ISM1: variants seen among roughly 807,000 people sequenced by gnomAD.
ISM1 encodes isthmin-1.
Under a neutral mutation model 46.3 loss-of-function variants are expected in ISM1, and 25 were observed. That is an observed-to-expected ratio of 0.54 (90% CI 0.39 to 0.75). The LOEUF is 0.75. ISM1 is among the 30% of genes least tolerant of loss of function. The probability of loss-of-function intolerance (pLI) is 0.00; values close to 1 mark genes in which losing one functional copy is unlikely to be tolerated. For missense variants in ISM1, 536 were observed against 625.4 expected, an observed-to-expected ratio of 0.86 and a Z score of 1.52; for synonymous variants, 255 against 256.7, an observed-to-expected ratio of 0.99 and a Z score of 0.06.
chr20:13,239,537 C>T (rs755026235), intron 1 of ISM1: 21 of 152,222 alleles, frequency 1.4e-4, no homozygotes, highest in Admixed American at 2.6e-4. Context: ...TGACAATCTA[C>T]ATGAAGTACC....
intron 1 of ISM1, among the ~76,000 whole-genome samples, chr20:13,226,590 T>G (rs1332098471): frequency 6.6e-6 from 1 of 152,224 alleles, no homozygotes; most frequent in Non-Finnish European, 1.5e-5. Flanking sequence ...ATATTACTCA[T>G]GTAGCTGTGG....
rs1466916495 is a variant in ISM1 at position 13,299,868 on chromosome 20, CTTAA to C, written c.*414_*417del. On this transcript the variant is annotated 3_prime_UTR_variant, in exon 6 of 6. Coordinates refer to ENST00000262487, the MANE Select transcript of ISM1 (RefSeq NM_080826.2). This position sits in a 1 kb window ranked among gnomAD's most constrained non-coding sequence, Gnocchi z 5.8. ...TATAACTTATTTAATACAAATGTGA[CTTAA>C]TTAAGCGTAACCTTTTCTCTGGAGT... The C allele has an allele frequency of 6.2e-6, 1 of 161,184 alleles. No individual in the cohort carries two copies. Among genetic ancestry groups the C allele is most frequent in the Non-Finnish European group, 1.4e-5 (1 of 73,490 alleles). The allele number at this position is 161,184 out of a possible 1,614,324, so 10.0% of individuals were successfully genotyped here.
At chr20:13,279,513 C>A in intron 2 of ISM1, 121 bp from the exon 3 acceptor site, 1 of 979,486 alleles carries the variant, frequency 1.0e-6, no homozygotes, top group Non-Finnish European at 1.5e-6. Flanking sequence ...GCAATCTCAG[C>A]TTTCCTTCAC....
intron 1 of ISM1, among the ~76,000 whole-genome samples, chr20:13,251,195 T>C (rs2039864480): frequency 6.6e-6 from 1 of 152,202 alleles, no homozygotes; most frequent in Non-Finnish European, 1.5e-5. Context: ...GGTGAGCACT[T>C]GTCCTCTCCT....
chr20:13,318,399 C>G, the ISM1 span, among the ~76,000 whole-genome samples: 10 of 152,244 alleles, frequency 6.6e-5, no homozygotes, highest in African/African-American at 2.4e-4. Flanking sequence ...ATGGCGTGAC[C>G]ACTTTGGAAG....
chr20:13,261,688 T>C (rs2039991601), intron 1 of ISM1, among the ~76,000 whole-genome samples: 1 of 152,206 alleles, frequency 6.6e-6, no homozygotes, highest in Admixed American at 6.5e-5. Flanking sequence ...CCAATGACCT[T>C]TGAAACCCAT....
the ISM1 span, among the ~76,000 whole-genome samples, chr20:13,318,480 T>C: frequency 6.6e-6 from 1 of 152,172 alleles, no homozygotes; most frequent in East Asian, 1.9e-4. Context: ...CTGCTTGGTA[T>C]TTACCCAAAA....
At chr20:13,298,769 G>C (rs1234237044) in intron 5 of ISM1, among the ~76,000 whole-genome samples, 173 bp from the exon 6 acceptor site, 1 of 152,130 alleles carries the variant, frequency 6.6e-6, no homozygotes, top group East Asian at 1.9e-4. Context: ...ATGGTGCCAG[G>C]GGGCTGCAGG....
rs1243743215 is a variant in ISM1, at chr20:13,251,585, G to A, written c.139-18919G>A. 2.0e-5 allele frequency among the ~76,000 whole-genome samples: 3 copies of A among 152,212 alleles called. No homozygotes were observed. In the East Asian group the frequency reaches 5.8e-4, roughly 29 times the overall value. On this transcript the variant is annotated intron_variant, in intron 1 of 5. Transcript: ENST00000262487. ...TGAGGTGCAGGGAGCAAGGGGACCA[G>A]CGTGGTATGTGGGAGGTAGAGATCA...
intron 1 of ISM1, among the ~76,000 whole-genome samples, chr20:13,268,899 G>T (rs750545228): frequency 1.3e-5 from 2 of 152,172 alleles, no homozygotes; most frequent in Non-Finnish European, 2.9e-5. Flanking sequence ...GGGCAACAGA[G>T]CAAGACCCTG....
At chr20:13,232,094 A>T (rs921690490) in intron 1 of ISM1, among the ~76,000 whole-genome samples, 6 of 152,188 alleles carry the variant, frequency 3.9e-5, no homozygotes, top group African/African-American at 1.4e-4. Flanking sequence ...CTCACAGGTA[A>T]CCCTGGGAGA....
At chr20:13,223,525 T>A (rs537474047) in intron 1 of ISM1, among the ~76,000 whole-genome samples, 8 of 152,298 alleles carry the variant, frequency 5.3e-5, no homozygotes, top group African/African-American at 1.9e-4. Flanking sequence ...TTACACCAAA[T>A]TTTGTCTCTA....
chr20:13,271,996 C>G (rs934175583), intron 2 of ISM1, among the ~76,000 whole-genome samples: 5 of 152,110 alleles, frequency 3.3e-5, no homozygotes, highest in Admixed American at 1.3e-4. Context: ...TCAGGCTGGG[C>G]TCAAACTCCT....
At chr20:13,293,846 C>T (rs1056608526) in intron 5 of ISM1, among the ~76,000 whole-genome samples, 49 of 151,980 alleles carry the variant, frequency 3.2e-4, no homozygotes, top group African/African-American at 5.3e-4. Flanking sequence ...TGGTGGCAGG[C>T]GCCTGTAATC....
intron 5 of ISM1, among the ~76,000 whole-genome samples, chr20:13,298,007 G>A (rs1461582956): frequency 1.3e-5 from 2 of 152,108 alleles, no homozygotes; most frequent in Non-Finnish European, 2.9e-5. Context: ...TCCATATGTG[G>A]CAAAATCAAA....
At chr20:13,294,989 T>G (rs1172523189) in intron 5 of ISM1, among the ~76,000 whole-genome samples, 3 of 152,282 alleles carry the variant, frequency 2.0e-5, no homozygotes, top group Non-Finnish European at 1.5e-5. Context: ...TCTGAGTTCA[T>G]AAGACATGCC....
At chr20:13,226,292 T>C (rs997070852) in intron 1 of ISM1, among the ~76,000 whole-genome samples, 12 of 152,356 alleles carry the variant, frequency 7.9e-5, no homozygotes, top group Middle Eastern at 3.4e-3. Context: ...AAGCCACTTA[T>C]AGCAGTAGAA....
chr20:13,222,983 T>C (rs980907644), intron 1 of ISM1, among the ~76,000 whole-genome samples: 2 of 151,890 alleles, frequency 1.3e-5, no homozygotes, highest in African/African-American at 2.4e-5. Context: ...GCCGACATGG[T>C]GAAACCCCGT....
At chr20:13,283,491 G>A (rs2040258889) in intron 3 of ISM1, among the ~76,000 whole-genome samples, 1 of 152,162 alleles carries the variant, frequency 6.6e-6, no homozygotes, top group South Asian at 2.1e-4. Context: ...AATCCTAGGT[G>A]AAATACATGT....
Sources: allele counts gnomAD v4.1 joint callset (sites outside exome capture counted in the v4.1 genomes callset), GRCh38; gene constraint gnomAD v4.1.1; non-coding constraint Gnocchi (gnomAD v3.1); transcripts MANE v1.5; gene names NCBI Gene and HGNC (gene_info 2026-07-23, HGNC 2026-07-21).